Variants in EIF2B4 observed in about 807,000 individuals in gnomAD.
The protein encoded by EIF2B4 is eukaryotic translation initiation factor 2B subunit delta.
A neutral mutation model predicts 66.7 loss-of-function variants in EIF2B4; 34 were observed. The observed-to-expected ratio is 0.51, with a 90% CI of 0.39 to 0.68. The LOEUF is 0.68. Among genes scored for constraint, EIF2B4 ranks in the 30% least tolerant of loss-of-function variants. The pLI, the probability that EIF2B4 is intolerant of heterozygous loss-of-function variation, is 0.00. For synonymous variants in EIF2B4, 278 were observed against 253.6 expected, an observed-to-expected ratio of 1.10 and a Z score of -0.92; for missense variants, 618 against 657.9, an observed-to-expected ratio of 0.94 and a Z score of 0.66.
At position 27,369,566 on chromosome 2, in the gene EIF2B4, G is replaced by A. The variant is rs748562432; in HGVS notation, c.76-17C>T. On this transcript the variant is annotated splice_polypyrimidine_tract_variant and intron_variant, in intron 2 of 12. Coordinates refer to ENST00000347454, the MANE Select transcript of EIF2B4 (RefSeq NM_001034116.2). ...CCCCACTGCCTGAGACACAGACATA[G>A]GATACTGCTCTTCCCCAACAATTCC... The A allele has an allele frequency of 5.0e-6, 8 of 1,613,890 alleles. No homozygotes were observed. The highest frequency in any genetic ancestry group is 1.1e-5 in the South Asian group (1 of 91,090).
intron 4 of EIF2B4, 67 bp from the exon 5 acceptor site, chr2:27,368,800 A>G (rs1572609009): frequency 2.6e-6 from 4 of 1,553,336 alleles, no homozygotes; most frequent in East Asian, 4.5e-5. Flanking sequence ...CTCTTAGGGT[A>G]TAAGGGGCAT....
At chr2:27,370,195 C>A in intron 1 of EIF2B4, 89 bp downstream of exon 1, 1 of 1,533,978 alleles carries the variant, frequency 6.5e-7, no homozygotes, top group South Asian at 1.2e-5. Context: ...AACGGAGCGG[C>A]GGGGCCCAAA....
chr2:27,369,414 C>G lies in EIF2B4; in HGVS notation c.211G>C (p.Val71Leu). 1 of 1,614,088 alleles carries G rather than the reference C, an allele frequency of 6.2e-7. No individual in the cohort carries two copies. The highest frequency in any genetic ancestry group is 8.5e-7 in the Non-Finnish European group (1 of 1,180,026). The change falls in exon 3 of 13, where the codon GTA becomes CTA. Residue 71 changes from valine (V) to leucine (L), a missense_variant and splice_region_variant. Val to Leu is a conservative substitution (Grantham distance 32). Transcript: ENST00000347454. Reference sequence around the variant, plus strand: ...CCTTTAAAAGAGACCCCTCACTCACCTTGACATTGGGCTGCAGATACAGCA... The same window carrying G: ...CCTTTAAAAGAGACCCCTCACTCACGTTGACATTGGGCTGCAGATACAGCA... Reference protein sequence around the residue: ...GSAVSAAQCQVGPTRELPESG... With the variant: ...GSAVSAAQCQLGPTRELPESG...
chr2:27,367,513 T>C lies in EIF2B4; in HGVS notation c.829A>G (p.Ile277Val), dbSNP rs774281750. The change falls in exon 9 of 13, where the codon ATC (isoleucine) becomes GTC (valine). Residue 277 changes from isoleucine to valine, a missense_variant. Coordinates refer to ENST00000347454, the MANE Select transcript of EIF2B4 (RefSeq NM_001034116.2). ...RPLSASMHNAIKFLNKEITSV... is the reference protein window; with the variant it reads ...RPLSASMHNAVKFLNKEITSV... The stretch of plus-strand genomic sequence containing the variant: ...GTGATTTCCTTGTTAAGGAACTTGA[T>C]GGCGTTGTGCATGCTCGCTGACAGG... 5.0e-6 allele frequency: 8 copies of C among 1,614,180 alleles called. No homozygotes were observed. In the South Asian group the frequency reaches 7.7e-5, roughly 16 times the overall value.
intron 11 of EIF2B4, 140 bp from the exon 12 acceptor site, chr2:27,365,038 G>A: frequency 2.6e-6 from 2 of 783,714 alleles, no homozygotes; most frequent in Non-Finnish European, 4.2e-6. Flanking sequence ...AACAAAAACA[G>A]ACAACAAGTA....
chr2:27,366,735 G>C, intron 11 of EIF2B4, 24 bp downstream of exon 11: 2 of 1,613,848 alleles, frequency 1.2e-6, no homozygotes, highest in Non-Finnish European at 1.7e-6. Context: ...CGCCAACTTT[G>C]GAGTCCTTTT....
At chr2:27,368,495 C>A (rs566287769) in intron 5 of EIF2B4, 32 bp from the exon 6 acceptor site, 1 of 1,594,064 alleles carries the variant, frequency 6.3e-7, no homozygotes, top group East Asian at 2.2e-5. Context: ...GACCAATGGC[C>A]CAGAGTTTAA....
chr2:27,367,208 G>A lies in EIF2B4; in HGVS notation c.886-7C>T. ...CTCGAAGTTCTGACTTGGCCTAAAT[G>A]GAGTAAAATCCTTAGTGAACAAGAA... On this transcript the variant is annotated splice_region_variant and splice_polypyrimidine_tract_variant and intron_variant, in intron 9 of 12. Coordinates refer to ENST00000347454, the MANE Select transcript of EIF2B4 (RefSeq NM_001034116.2). 1 of 1,614,108 alleles carries A rather than the reference G, an allele frequency of 6.2e-7. No individual in the cohort carries two copies. Among genetic ancestry groups the A allele is most frequent in the Non-Finnish European group, 8.5e-7 (1 of 1,180,030 alleles).
chr2:27,364,610 A>AGGC lies in EIF2B4; in HGVS notation c.1373-14_1373-12dup, dbSNP rs1558632438. 6.2e-7 allele frequency: 1 copy of AGGC among 1,614,224 alleles called. No homozygotes were observed. Among genetic ancestry groups the AGGC allele is most frequent in the Admixed American group, 1.7e-5 (1 of 60,026 alleles). On this transcript the variant is annotated splice_polypyrimidine_tract_variant and intron_variant, in intron 12 of 12. Transcript: ENST00000347454. ...GATCATCAGGGTCATCTGCAATGGA[A>AGGC]GGCGTACCCATTATGTTCTTTCAGA...
rs571958406 is a variant in EIF2B4 at position 27,367,375 on chromosome 2, C to G, written c.885+82G>C. ...CTTGACTAGGGCAAAAAAAGGCTTA[C>G]GTTGGCCTTCCCGGGAGTTTTTAAC... On this transcript the variant is annotated intron_variant, in intron 9 of 12. Transcript: ENST00000347454. 6 of 1,593,482 alleles carry G rather than the reference C, an allele frequency of 3.8e-6. No homozygotes were observed. The African/African-American group carries it at 8.1e-5, about 21-fold the overall frequency.
Position 27,368,096 on chromosome 2 carries a change from G to A in EIF2B4, c.634C>T (p.Leu212=), listed in dbSNP as rs1402533961. Residue 212 remains leucine (L), a synonymous_variant, in exon 7 of 13, where the codon CTG becomes TTG. Transcript: ENST00000347454. ...VIHPAMVRLG[L]QYSQGLVSGS... is the part of the protein sequence containing the mutation. ...CTGACCAGGCCCTGGGAGTACTGCA[G>A]GCCGAGTCGCACCATGGCTGGGTGG... 5 of 1,600,966 alleles carry A rather than the reference G, an allele frequency of 3.1e-6. No homozygotes were observed. Among genetic ancestry groups the A allele is most frequent in the African/African-American group, 2.7e-5 (2 of 74,702 alleles).
chr2:27,368,945 G>C, intron 4 of EIF2B4, 61 bp downstream of exon 4: 3 of 1,600,418 alleles, frequency 1.9e-6, no homozygotes, highest in Non-Finnish European at 2.6e-6. Flanking sequence ...TTTACTATTG[G>C]GCAGCCTGAG....
rs1290439364 is a variant in EIF2B4, at chr2:27,364,479, TC to T, written c.1492del (p.Asp498IlefsTer3). On this transcript the variant is annotated frameshift_variant, in exon 13 of 13. Coordinates refer to ENST00000347454, the MANE Select transcript of EIF2B4 (RefSeq NM_001034116.2). LOFTEE classifies it high-confidence loss of function. ...VYDVTPPELV[D>X]LVITELGMIP... Reference sequence around the variant, plus strand: ...CATCCCCAGCTCCGTGATCACCAGATCCACAAGCTCTGGGGGAGTCACATCA... The same window carrying T: ...CATCCCCAGCTCCGTGATCACCAGATCACAAGCTCTGGGGGAGTCACATCA... 1 of 1,614,138 alleles carries T rather than the reference TC, an allele frequency of 6.2e-7. No individual in the cohort carries two copies. Among genetic ancestry groups the T allele is most frequent in the Admixed American group, 1.7e-5 (1 of 60,022 alleles).
At chr2:27,367,662 T>C in intron 8 of EIF2B4, 84 bp downstream of exon 8, 1 of 1,587,734 alleles carries the variant, frequency 6.3e-7, no homozygotes, top group Non-Finnish European at 8.6e-7. Flanking sequence ...GAACACAAAA[T>C]GAAAAGAGAG....
chr2:27,369,921 T>G lies in EIF2B4; in HGVS notation c.32-2A>C. The stretch of plus-strand genomic sequence containing the variant: ...CCGCCTTCATCCCGGATCCCGAGTC[T>G]GCATCAGAAAACAGGGCACAAAGTG... On this transcript the variant is annotated splice_acceptor_variant, in intron 1 of 12. Coordinates refer to ENST00000347454, the MANE Select transcript of EIF2B4 (RefSeq NM_001034116.2). LOFTEE classifies it high-confidence loss of function. The G allele has an allele frequency of 6.3e-7, 1 of 1,582,396 alleles. No individual in the cohort carries two copies. The highest frequency in any genetic ancestry group is 8.6e-7 in the Non-Finnish European group (1 of 1,164,504).
intron 10 of EIF2B4, 38 bp from the exon 11 acceptor site, chr2:27,366,974 C>T: frequency 6.2e-7 from 1 of 1,613,766 alleles, no homozygotes; most frequent in Non-Finnish European, 8.5e-7. Context: ...TTATAAATGT[C>T]AGTAACTGAT....
intron 10 of EIF2B4, 52 bp from the exon 11 acceptor site, chr2:27,366,988 T>A: frequency 1.2e-6 from 2 of 1,614,074 alleles, no homozygotes; most frequent in Non-Finnish European, 1.7e-6. Context: ...AACTGATGAC[T>A]AACTTATTCC....
rs957399650 is a variant in EIF2B4, at chr2:27,367,539, G to C, written c.803C>G (p.Pro268Arg). 6.2e-7 allele frequency: 1 copy of C among 1,613,896 alleles called. No individual in the cohort carries two copies. The highest frequency in any genetic ancestry group is 8.5e-7 in the Non-Finnish European group (1 of 1,179,986). ...GGCGTTGTGCATGCTCGCTGACAGGGGACGGCACTGAGTCAGGAAGCTATA... is the reference window on the plus strand; with the variant it reads ...GGCGTTGTGCATGCTCGCTGACAGGCGACGGCACTGAGTCAGGAAGCTATA... ...PYMSFLTQCR[P>R]LSASMHNAIK... The change falls in exon 9 of 13, where the codon CCC (proline) becomes CGC (arginine). Residue 268 changes from proline (P) to arginine (R), a missense_variant. Physicochemically the swap from Pro to Arg is moderately radical, Grantham distance 103 (BLOSUM62 -2). This residue lies in a region of EIF2B4 where 506 missense variants were observed against 511.9 expected (regional missense o/e 0.99). Transcript: ENST00000347454.
rs190848009 is a variant in EIF2B4, at chr2:27,367,473, G to A, written c.869C>T (p.Ser290Phe). The A allele has an allele frequency of 7.4e-6, 12 of 1,614,076 alleles. No individual in the cohort carries two copies. The South Asian group carries it at 7.7e-5, about 10-fold the overall frequency. The change falls in exon 9 of 13, where the codon TCC (serine) becomes TTC (phenylalanine). Residue 290 changes from serine (S) to phenylalanine (F), a missense_variant. By Grantham distance (155) the Ser-to-Phe change is radical (BLOSUM62 -2). This residue lies in a region of EIF2B4 where 506 missense variants were observed against 511.9 expected (regional missense o/e 0.99). Transcript: ENST00000347454. Reference sequence around the variant, plus strand: ...ACTCATCACCTCCTCTTCCCGCTTGGAACTGCCCACACTGGTGATTTCCTT... The same window carrying A: ...ACTCATCACCTCCTCTTCCCGCTTGAAACTGCCCACACTGGTGATTTCCTT... ...LNKEITSVGSSKREEEAKSEL... is the reference protein window; with the variant it reads ...LNKEITSVGSFKREEEAKSEL...
Sources: gnomAD v4.1 joint callset for allele counts on GRCh38, gnomAD v4.1.1 for gene constraint, gnomAD v4.1.1 regional missense constraint, MANE v1.5 for transcripts, NCBI Gene and HGNC (gene_info 2026-07-23, HGNC 2026-07-21) for gene names.